The following DDX56 variants were observed in gnomAD, a reference collection of about 807,000 sequenced individuals.
The protein encoded by DDX56 is DEAD-box helicase 56, also known as probable ATP-dependent RNA helicase DDX56.
In DDX56, 45 loss-of-function variants were observed where a neutral mutation model predicts 61.5. That is an observed-to-expected ratio of 0.73 (90% CI 0.58 to 0.94). The LOEUF (loss-of-function observed/expected upper bound fraction) is 0.94. Among genes scored for constraint, DDX56 ranks in the 40% least tolerant of loss-of-function variants. The probability of loss-of-function intolerance (pLI) is 0.00; values close to 1 mark genes in which losing one functional copy is unlikely to be tolerated. For missense variants in DDX56, 708 were observed against 690.7 expected, an observed-to-expected ratio of 1.02 and a Z score of -0.28; for synonymous variants, 273 against 268.3, an observed-to-expected ratio of 1.02 and a Z score of -0.17.
At position 44,569,180 on chromosome 7, in the gene DDX56, G is replaced by T; in HGVS notation, c.1243C>A (p.Pro415Thr). The change falls in exon 10 of 14, where the codon CCC becomes ACC. Residue 415 changes from proline to threonine, a missense_variant. Transcript: ENST00000258772. ...SGENRGPILLPYQFRMEEIEG... is the reference protein window; with the variant it reads ...SGENRGPILLTYQFRMEEIEG... ...ATCTCCTCCATCCGGAACTGGTAGG[G>T]GAGCAGAATGGGGCCCCTGTTCTCT... The T allele has an allele frequency of 6.2e-7, 1 of 1,614,018 alleles. No homozygotes were observed. The highest frequency in any genetic ancestry group is 8.5e-7 in the Non-Finnish European group (1 of 1,180,028).
chr7:44,568,041 A>G, intron 12 of DDX56, 77 bp downstream of exon 12: 1 of 1,183,768 alleles, frequency 8.4e-7, no homozygotes, highest in East Asian at 2.4e-5. Context: ...CACCAAGCAC[A>G]GGGGCTGACC....
intron 9 of DDX56, among the ~76,000 whole-genome samples, chr7:44,569,434 C>G (rs1453080861): frequency 6.6e-6 from 1 of 152,112 alleles, no homozygotes; most frequent in African/African-American, 2.4e-5. Flanking sequence ...AACCCGTCAC[C>G]CACTCTCTTC....
Position 44,573,008 on chromosome 7 carries a change from C to A in DDX56, c.265G>T (p.Val89Phe). ...TGCCGTGCCAGCTCCTTGGTAGGAA[C>A]AAGAACAAGGCCTCTCACTGCCTGT... ...VEQAVRGLVL[V>F]PTKELARQAQ... The change falls in exon 3 of 14, where the codon GTT becomes TTT. Residue 89 changes from valine (V) to phenylalanine (F), a missense_variant. Transcript: ENST00000258772. 1.2e-6 allele frequency: 2 copies of A among 1,610,540 alleles called. No individual in the cohort carries two copies. The highest frequency in any genetic ancestry group is 1.7e-5 in the Admixed American group (1 of 59,100).
At position 44,570,832 on chromosome 7, in the gene DDX56, G is replaced by T. The variant is rs527734101; in HGVS notation, c.936C>A (p.Val312=). The T allele has an allele frequency of 4.3e-6, 7 of 1,613,932 alleles. No individual in the cohort carries two copies. Among genetic ancestry groups the T allele is most frequent in the Middle Eastern group, 1.6e-4 (1 of 6,084 alleles). Residue 312 remains valine (V), a synonymous_variant, in exon 7 of 14, where the codon GTC becomes GTA. Coordinates refer to ENST00000258772, the MANE Select transcript of DDX56 (RefSeq NM_019082.4). ...SQFNQGFYDC[V]IATDAEVLGA... is the part of the protein sequence containing the mutation. Reference sequence around the variant, plus strand: ...CCAGGACTTCAGCATCAGTTGCTATGACACAGTCGTAGAAGCCTTGGTTGA... The same window carrying T: ...CCAGGACTTCAGCATCAGTTGCTATTACACAGTCGTAGAAGCCTTGGTTGA...
chr7:44,569,043 C>T lies in DDX56; in HGVS notation c.1294-51G>A, dbSNP rs778023776. 30 of 1,611,918 alleles carry T rather than the reference C, an allele frequency of 1.9e-5. No homozygotes were observed. In the South Asian group the frequency reaches 3.1e-4, roughly 17 times the overall value. ...ACAGTGAGGCTGCCCCAAATCCTCC[C>T]TTCACACCTGGATGCTCAGCAAGAC... On this transcript the variant is annotated intron_variant, in intron 10 of 13. Coordinates refer to ENST00000258772, the MANE Select transcript of DDX56 (RefSeq NM_019082.4).
At chr7:44,573,785 A>G (rs776961668) in intron 1 of DDX56, 41 bp from the exon 2 acceptor site, 1 of 1,613,388 alleles carries the variant, frequency 6.2e-7, no homozygotes, top group Non-Finnish European at 8.5e-7. Context: ...GTGAAGAGCG[A>G]TGGCGCGCCC....
chr7:44,569,035 A>C (rs373489091), intron 10 of DDX56, 43 bp from the exon 11 acceptor site: 1 of 1,611,918 alleles, frequency 6.2e-7, no homozygotes, highest in Admixed American at 1.7e-5. Flanking sequence ...GGCTGCCCCA[A>C]ATCCTCCCTT....
chr7:44,571,429 ACTGGGTCCC>A, intron 6 of DDX56, 54 bp downstream of exon 6: 7 of 1,597,014 alleles, frequency 4.4e-6, no homozygotes, highest in Non-Finnish European at 6.0e-6. Flanking sequence ...CAGAACATTA[ACTGGGTCCC>A]CTTTCCATCT....
At chr7:44,566,856 C>A (rs1018579719) in intron 12 of DDX56, among the ~76,000 whole-genome samples, 1 of 152,080 alleles carries the variant, frequency 6.6e-6, no homozygotes, top group Non-Finnish European at 1.5e-5. Flanking sequence ...TACAGGGGGC[C>A]CCGCATCCCA....
Position 44,569,802 on chromosome 7 carries a change from C to G in DDX56, c.1219+7G>C, listed in dbSNP as rs774321840. The G allele has an allele frequency of 6.2e-7, 1 of 1,602,590 alleles. No homozygotes were observed. The highest frequency in any genetic ancestry group is 8.5e-7 in the Non-Finnish European group (1 of 1,172,846). On this transcript the variant is annotated splice_region_variant and intron_variant, in intron 9 of 13. Coordinates refer to ENST00000258772, the MANE Select transcript of DDX56 (RefSeq NM_019082.4). ...CTGGCCCAGGACCACAAGAGCCAGGCTCTTACCTCCACTGAGAAGCTCCTC... is the reference window on the plus strand; with the variant it reads ...CTGGCCCAGGACCACAAGAGCCAGGGTCTTACCTCCACTGAGAAGCTCCTC...
chr7:44,569,518 G>A (rs539776659), intron 9 of DDX56, among the ~76,000 whole-genome samples: 15 of 152,190 alleles, frequency 9.9e-5, no homozygotes, highest in Non-Finnish European at 2.2e-4. Flanking sequence ...ACAGAGAGCA[G>A]TCCAGGACCA....
chr7:44,568,818 T>C lies in DDX56; in HGVS notation c.1383+85A>G, dbSNP rs78724096. 5,445 of 1,172,260 alleles carry C rather than the reference T, an allele frequency of 4.6e-3. 165 individuals are homozygous for C. In the African/African-American group the frequency reaches 0.072, roughly 15 times the overall value. The allele number at this position is 1,172,260 out of a possible 1,614,324, so 72.6% of individuals were successfully genotyped here. On this transcript the variant is annotated intron_variant, in intron 11 of 13. Coordinates refer to ENST00000258772, the MANE Select transcript of DDX56 (RefSeq NM_019082.4). Reference sequence around the variant, plus strand: ...AAGGCCAGAAAACTGCCCAGTTCTCTGCTTCTCACCACTCGGAGCTCAGCC... The same window carrying C: ...AAGGCCAGAAAACTGCCCAGTTCTCCGCTTCTCACCACTCGGAGCTCAGCC...
At position 44,568,171 on chromosome 7, in the gene DDX56, G is replaced by C; in HGVS notation, c.1436C>G (p.Pro479Arg). 6.2e-7 allele frequency: 1 copy of C among 1,614,134 alleles called. No individual in the cohort carries two copies. The highest frequency in any genetic ancestry group is 2.2e-5 in the East Asian group (1 of 44,892). Reference sequence around the variant, plus strand: ...GGGCTTCACCACTGCGGGGTGCAAAGGTAGGTCATGCCGCAGCAGCTGGAG... The same window carrying C: ...GGGCTTCACCACTGCGGGGTGCAAACGTAGGTCATGCCGCAGCAGCTGGAG... ...RDLQLLRHDL[P>R]LHPAVVKPHL... Residue 479 changes from proline (P) to arginine (R), a missense_variant, in exon 12 of 14, where the codon CCT becomes CGT. Pro to Arg is a moderately radical substitution (Grantham distance 103). Transcript: ENST00000258772.
In DDX56 at chr7:44,568,227, CCG is replaced by C. The variant is rs1491039390; in HGVS notation, c.1384-6_1384-5del. 1 of 1,602,484 alleles carries C rather than the reference CCG, an allele frequency of 6.2e-7. No individual in the cohort carries two copies. Among genetic ancestry groups the C allele is most frequent in the African/African-American group, 1.3e-5 (1 of 74,670 alleles). On this transcript the variant is annotated splice_region_variant and splice_polypyrimidine_tract_variant and intron_variant, in intron 11 of 13. Coordinates refer to ENST00000258772, the MANE Select transcript of DDX56 (RefSeq NM_019082.4). ...TAGGGTTGTCTTCAAAGTATGTCTG[CCG>C]GGGGAAGAGGGAGAGCCACAGAGTG... is the stretch of plus-strand genomic sequence containing the variant.
chr7:44,567,427 TAA>T (rs1182418240), intron 12 of DDX56, among the ~76,000 whole-genome samples: 1 of 152,156 alleles, frequency 6.6e-6, no homozygotes, highest in Non-Finnish European at 1.5e-5. Flanking sequence ...ATTTTAGGCA[TAA>T]AAGTCACACA....
In DDX56 at chr7:44,565,955, A is replaced by C. The variant is rs1802517860; in HGVS notation, c.*47T>G. 1 of 1,439,106 alleles carries C rather than the reference A, an allele frequency of 6.9e-7. No individual in the cohort carries two copies. The highest frequency in any genetic ancestry group is 1.2e-5 in the South Asian group (1 of 85,266). 89.1% of individuals were successfully genotyped at this position (1,439,106 alleles called of 1,614,324 possible). On this transcript the variant is annotated 3_prime_UTR_variant, in exon 14 of 14. Transcript: ENST00000258772. ...AGCCTCGCCTGTCCACGAAGGGTGT[A>C]AGCCTGTGCTCCACAATGTGCTCAG...
rs1261406359 is a variant in DDX56, at chr7:44,566,452, G to C, written c.1562C>G (p.Ala521Gly). The C allele has an allele frequency of 1.9e-6, 3 of 1,555,250 alleles. No homozygotes were observed. Among genetic ancestry groups the C allele is most frequent in the Admixed American group, 3.9e-5 (2 of 51,740 alleles). ...CGCAGTCCCCAGGAGCCGTACCTTG[G>C]CCTTCCTACAAGAGGAAGACAGCTT... ...RKKLSSSCRKAKRAKSQNPLR... is the reference protein window; with the variant it reads ...RKKLSSSCRKGKRAKSQNPLR... The change falls in exon 13 of 14, where the codon GCC (alanine) becomes GGC (glycine). Residue 521 changes from alanine to glycine, a missense_variant. By Grantham distance (60) the Ala-to-Gly change is moderately conservative. Coordinates refer to ENST00000258772, the MANE Select transcript of DDX56 (RefSeq NM_019082.4).
chr7:44,571,827 TGCAGG>T, intron 5 of DDX56, 91 bp from the exon 6 acceptor site: 2 of 1,532,754 alleles, frequency 1.3e-6, no homozygotes, highest in Non-Finnish European at 1.8e-6. Context: ...AACATTTTAG[TGCAGG>T]GCAGAGATGC....
chr7:44,572,795 T>C, intron 3 of DDX56, 51 bp from the exon 4 acceptor site: 1 of 1,608,524 alleles, frequency 6.2e-7, no homozygotes, highest in East Asian at 2.2e-5. Context: ...AGCTGGGATC[T>C]CACCCTGGAT....
Sources: allele counts gnomAD v4.1 joint callset (sites outside exome capture counted in the v4.1 genomes callset), GRCh38; gene constraint gnomAD v4.1.1; transcripts MANE v1.5; gene names NCBI Gene and HGNC (gene_info 2026-07-23, HGNC 2026-07-21).